Variants in CABYR observed in about 807,000 individuals in gnomAD.
CABYR encodes the protein calcium binding tyrosine phosphorylation regulated, also known as calcium-binding tyrosine phosphorylation-regulated protein.
A neutral mutation model predicts 36.1 loss-of-function variants in CABYR; 31 were observed. The observed-to-expected ratio is 0.86, with a 90% CI of 0.64 to 1.16. CABYR has a LOEUF of 1.16. Ranked by LOEUF, CABYR falls within the 50% of genes most tolerant of loss-of-function variation. The pLI, the probability that CABYR is intolerant of heterozygous loss-of-function variation, is 0.00. For missense variants in CABYR, 429 were observed against 455.8 expected (o/e 0.94, Z 0.53); for synonymous variants, 146 against 160.7 (o/e 0.91, Z 0.69).
Position 24,159,690 on chromosome 18 carries a change from A to C in CABYR, c.760A>C (p.Lys254Gln). ...AACTTATGTGATGGGCGACACCAAG[A>C]AGACCAGTGCCCCACCTTTTATCTT... is the stretch of plus-strand genomic sequence containing the variant. ...FPTYVMGDTKKTSAPPFILVG... is the reference protein window; with the variant it reads ...FPTYVMGDTKQTSAPPFILVG... Residue 254 changes from lysine to glutamine, a missense_variant, in exon 5 of 6, where the codon AAG (lysine) becomes CAG (glutamine). Physicochemically the swap from Lys to Gln is moderately conservative, Grantham distance 53. Coordinates refer to ENST00000399496, the MANE Select transcript of CABYR (RefSeq NM_153769.3). 1 of 1,614,094 alleles carries C rather than the reference A, an allele frequency of 6.2e-7. No individual in the cohort carries two copies. Among genetic ancestry groups the C allele is most frequent in the Non-Finnish European group, 8.5e-7 (1 of 1,180,024 alleles).
At chr18:24,145,863 G>A (rs1363703644) in intron 3 of CABYR, among the ~76,000 whole-genome samples, 6 of 152,118 alleles carry the variant, frequency 3.9e-5, no homozygotes, top group African/African-American at 7.2e-5. Flanking sequence ...AGGAAGAAAG[G>A]TCATACACTC....
At chr18:24,160,192 T>TCTAA (rs1363883576) in intron 5 of CABYR, 123 bp downstream of exon 5, 6 of 725,826 alleles carry the variant, frequency 8.3e-6, no homozygotes, top group Middle Eastern at 7.8e-4. Flanking sequence ...TGGGGTATAC[T>TCTAA]CTAACTTCCT....
At position 24,159,805 on chromosome 18, in the gene CABYR, C is replaced by T. The variant is rs1335768272; in HGVS notation, c.875C>T (p.Ala292Val). 6 of 1,613,978 alleles carry T rather than the reference C, an allele frequency of 3.7e-6. No individual in the cohort carries two copies. Among genetic ancestry groups the T allele is most frequent in the South Asian group, 2.2e-5 (2 of 91,076 alleles). The change falls in exon 5 of 6, where the codon GCA becomes GTA. Residue 292 changes from alanine to valine, a missense_variant. Transcript: ENST00000399496. ...VSQSDVLRYVAMQVPIAVPAD... is the reference protein window; with the variant it reads ...VSQSDVLRYVVMQVPIAVPAD... ...CAGTCAGATGTCTTGAGATATGTTG[C>T]AATGCAAGTGCCCATTGCTGTTCCT...
In CABYR at chr18:24,149,887, G is replaced by A. The variant is rs1019634736; in HGVS notation, c.200-5814G>A. The stretch of plus-strand genomic sequence containing the variant: ...AAGCCCATGCCCACTCGGAACTCCA[G>A]CTGGCCCGCAAGCGCGGCGCGCAGC... On this transcript the variant is annotated intron_variant, in intron 3 of 5. Transcript: ENST00000399496. Among the ~76,000 whole-genome samples, 7 of 152,210 alleles carry A rather than the reference G, an allele frequency of 4.6e-5. 1 individual carries two copies. Among genetic ancestry groups the A allele is most frequent in the South Asian group, 4.1e-4 (2 of 4,838 alleles).
At chr18:24,149,852 G>A (rs1298276169) in intron 3 of CABYR, among the ~76,000 whole-genome samples, 1 of 152,216 alleles carries the variant, frequency 6.6e-6, no homozygotes, top group Non-Finnish European at 1.5e-5. Flanking sequence ...CTCGGAATGC[G>A]GGGCCCGCCA....
rs2085766637 is a variant in CABYR at position 24,155,832 on chromosome 18, A to C, written c.331A>C (p.Thr111Pro). 6.2e-7 allele frequency: 1 copy of C among 1,614,048 alleles called. No individual in the cohort carries two copies. Among genetic ancestry groups the C allele is most frequent in the Admixed American group, 1.7e-5 (1 of 59,998 alleles). Residue 111 changes from threonine to proline, a missense_variant, in exon 4 of 6, where the codon ACC (threonine) becomes CCC (proline). Transcript: ENST00000399496. ...KSTDTDEDNV[T>P]RTEYSDKTTQ... ...TACAGACACAGACGAGGACAATGTA[A>C]CCAGAACAGAATATAGTGACAAAAC...
intron 3 of CABYR, among the ~76,000 whole-genome samples, chr18:24,148,339 T>C (rs1157401462): frequency 6.6e-6 from 1 of 152,210 alleles, no homozygotes; most frequent in Non-Finnish European, 1.5e-5. Flanking sequence ...AGAACCAGTG[T>C]GCCATTAGTG....
At chr18:24,160,202 TG>T in intron 5 of CABYR, 133 bp downstream of exon 5, 2 of 677,310 alleles carry the variant, frequency 3.0e-6, no homozygotes, top group Non-Finnish European at 5.0e-6. Context: ...TCTAACTTCC[TG>T]GGGTTACTGT....
chr18:24,150,503 T>G, intron 3 of CABYR: 56 of 664,370 alleles, frequency 8.4e-5, no homozygotes, highest in East Asian at 1.4e-4. Context: ...TTAATCAGAA[T>G]GAGATCTTTA....
At chr18:24,156,637 T>C in intron 4 of CABYR, 1 of 1,614,194 alleles carries the variant, frequency 6.2e-7, no homozygotes, top group Non-Finnish European at 8.5e-7. Flanking sequence ...TCAGTATATA[T>C]GGAGGCAGAA....
intron 3 of CABYR, among the ~76,000 whole-genome samples, chr18:24,151,967 C>T (rs368624819): frequency 2.6e-5 from 4 of 152,068 alleles, no homozygotes; most frequent in African/African-American, 2.4e-5. Flanking sequence ...TGGGATTATA[C>T]GCATGAGCCA....
At position 24,159,676 on chromosome 18, in the gene CABYR, T is replaced by C. The variant is rs2085895069; in HGVS notation, c.746T>C (p.Met249Thr). ...AAAGTCACTTTTCCAACTTATGTGA[T>C]GGGCGACACCAAGAAGACCAGTGCC... ...PPKVTFPTYV[M>T]GDTKKTSAPP... The change falls in exon 5 of 6, where the codon ATG becomes ACG. Residue 249 changes from methionine (M) to threonine (T), a missense_variant. Met to Thr is a moderately conservative substitution (Grantham distance 81). Transcript: ENST00000399496. 4 of 1,614,032 alleles carry C rather than the reference T, an allele frequency of 2.5e-6. No homozygotes were observed. In the East Asian group the frequency reaches 6.7e-5, roughly 27 times the overall value.
At chr18:24,140,221 C>T (rs1420630484) in intron 1 of CABYR, 1 of 151,614 alleles carries the variant, frequency 6.6e-6, no homozygotes, top group Non-Finnish European at 1.5e-5. Flanking sequence ...GCCACCGCGC[C>T]CGGCCTCTGG....
At chr18:24,159,170 A>T (rs2085878901) in intron 4 of CABYR, among the ~76,000 whole-genome samples, 1 of 152,194 alleles carries the variant, frequency 6.6e-6, no homozygotes, top group South Asian at 2.1e-4. Context: ...GTCTGCGAGG[A>T]GCCTATAGAA....
intron 4 of CABYR, chr18:24,156,499 CAAAAG>C (rs1316793653): frequency 6.2e-7 from 1 of 1,613,472 alleles, no homozygotes; most frequent in Non-Finnish European, 8.5e-7. Context: ...AATGAGCAGT[CAAAAG>C]AAAATGAGCA....
At chr18:24,155,335 C>T (rs774345429) in intron 3 of CABYR, among the ~76,000 whole-genome samples, 1 of 152,182 alleles carries the variant, frequency 6.6e-6, no homozygotes, top group East Asian at 1.9e-4. Flanking sequence ...TATTAAGTGT[C>T]ACTTATTTCT....
chr18:24,157,040 G>T, intron 4 of CABYR: 1 of 1,472,680 alleles, frequency 6.8e-7, no homozygotes, highest in South Asian at 1.2e-5. Flanking sequence ...TGCATTTCAG[G>T]TGACATCTGT....
chr18:24,161,166 A>ATAAT (rs3837915), intron 5 of CABYR, among the ~76,000 whole-genome samples: 12,538 of 152,178 alleles, frequency 0.082, 1,173 homozygotes, highest in African/African-American at 0.22. Context: ...GTTACTTAAA[A>ATAAT]TAATTAGTGG....
intron 3 of CABYR, among the ~76,000 whole-genome samples, chr18:24,149,471 G>C (rs1461357877): frequency 6.6e-6 from 1 of 152,246 alleles, no homozygotes; most frequent in Non-Finnish European, 1.5e-5. Flanking sequence ...ACCAGACTCA[G>C]GAGTCCAGCT....
Sources: gnomAD v4.1 joint callset for allele counts (sites outside exome capture counted in the v4.1 genomes callset) on GRCh38, gnomAD v4.1.1 for gene constraint, MANE v1.5 for transcripts, NCBI Gene and HGNC (gene_info 2026-07-23, HGNC 2026-07-21) for gene names.